Variants in VPS13B observed in about 807,000 individuals in gnomAD.
VPS13B encodes the protein intermembrane lipid transfer protein VPS13B.
A neutral mutation model predicts 426.4 loss-of-function variants in VPS13B; 285 were observed. The ratio of observed to expected loss-of-function variants is 0.67; its 90% CI spans 0.61 to 0.74. The LOEUF is 0.74. Among genes scored for constraint, VPS13B ranks in the 30% least tolerant of loss-of-function variants. The pLI, the probability that VPS13B is intolerant of heterozygous loss-of-function variation, is 0.00. For synonymous variants in VPS13B, 1,676 were observed against 1,676.4 expected (o/e 1.00, Z 0.01); for missense variants, 4,537 against 4,782.6 (o/e 0.95, Z 1.51).
intron 3 of VPS13B, among the ~76,000 whole-genome samples, chr8:99,094,455 G>A (rs190759114): frequency 2.6e-4 from 39 of 152,230 alleles, no homozygotes; most frequent in Non-Finnish European, 5.0e-4. Context: ...ATATTGAATA[G>A]TGAAGTTATT....
chr8:99,143,196 G>C (rs775614014), intron 13 of VPS13B, 31 bp downstream of exon 13: 1 of 1,612,930 alleles, frequency 6.2e-7, no homozygotes, highest in South Asian at 1.1e-5. Flanking sequence ...TGAATCTTTT[G>C]CCATTTGTTT....
chr8:99,680,380 G>C (rs901224193), intron 35 of VPS13B, among the ~76,000 whole-genome samples: 4 of 152,114 alleles, frequency 2.6e-5, no homozygotes, highest in Non-Finnish European at 5.9e-5. Context: ...TTCCCTCTCT[G>C]ATTTCATTAT....
chr8:99,875,025 T>C (rs1588818658), intron 61 of VPS13B: 1 of 278,078 alleles, frequency 3.6e-6, no homozygotes, highest in East Asian at 9.7e-5. Flanking sequence ...TTTATTTCAG[T>C]GCTGAGTTTA....
intron 35 of VPS13B, among the ~76,000 whole-genome samples, chr8:99,672,723 A>C (rs1165596880): frequency 6.6e-6 from 1 of 151,984 alleles, no homozygotes; most frequent in Non-Finnish European, 1.5e-5. Flanking sequence ...AGGGTTCTAG[A>C]TTTTAGAGAA....
rs765610228 is a variant in VPS13B at position 99,156,615 on chromosome 8, TTGG to T, written c.2084_2086del (p.Val695del). On this transcript the variant is annotated inframe_deletion, in exon 15 of 62. Transcript: ENST00000357162. ...TCGGCCTTTGCCATCCATTCGAATA[TTGG>T]TGGATAAAATTAATCTGGAACATTC... 1.2e-6 allele frequency: 2 copies of T among 1,613,990 alleles called. No homozygotes were observed.
At chr8:99,781,406 A>G (rs893924981) in intron 42 of VPS13B, among the ~76,000 whole-genome samples, 2 of 152,216 alleles carry the variant, frequency 1.3e-5, no homozygotes, top group Non-Finnish European at 2.9e-5. Flanking sequence ...ATGACACTCC[A>G]TGAAACTTAA....
At chr8:99,438,608 C>G (rs771393877) in intron 22 of VPS13B, among the ~76,000 whole-genome samples, 4 of 152,072 alleles carry the variant, frequency 2.6e-5, no homozygotes, top group Non-Finnish European at 5.9e-5. Context: ...ATTTATAACA[C>G]TTACTCTGGA....
chr8:99,751,007 C>T (rs1810367586), intron 39 of VPS13B, among the ~76,000 whole-genome samples: 1 of 152,006 alleles, frequency 6.6e-6, no homozygotes, highest in Non-Finnish European at 1.5e-5. Flanking sequence ...GGCCTAATTC[C>T]TTAGGAATGT....
rs540239353 is a variant in VPS13B, at chr8:99,222,923, G to A, written c.2515+29866G>A. On this transcript the variant is annotated intron_variant, in intron 17 of 61. Coordinates refer to ENST00000357162, the MANE Select transcript of VPS13B (RefSeq NM_152564.5). ...ATGATCTCGGCTTACAGCAACCTCC[G>A]CCTCCTGGGTTCAAGTGATTCTCCT... Among the ~76,000 whole-genome samples, 8 of 152,154 alleles carry A rather than the reference G, an allele frequency of 5.3e-5. 1 individual carries two copies. Among genetic ancestry groups the A allele is most frequent in the South Asian group, 4.2e-4 (2 of 4,802 alleles).
intron 2 of VPS13B, among the ~76,000 whole-genome samples, chr8:99,025,854 A>G (rs532426560): frequency 1.3e-5 from 2 of 152,214 alleles, no homozygotes; most frequent in African/African-American, 4.8e-5. Context: ...ATACTTGTTC[A>G]TAATGGTCAC....
chr8:99,115,630 C>T (rs117189957), intron 6 of VPS13B, 70 bp from the exon 7 acceptor site: 17,975 of 1,490,898 alleles, frequency 0.012, 165 homozygotes, highest in Non-Finnish European at 0.013. Context: ...GACTTTAAAA[C>T]ATTTCTTTAT....
intron 30 of VPS13B, among the ~76,000 whole-genome samples, chr8:99,526,829 A>G (rs1209537155): frequency 2.6e-5 from 4 of 152,150 alleles, no homozygotes; most frequent in South Asian, 4.1e-4. Context: ...TGTGTTTCCA[A>G]ATCACCCAAG....
Position 99,135,666 on chromosome 8 carries a change from T to G in VPS13B, c.1496T>G (p.Phe499Cys). ...TTCACATACCTTACAAATTCATTGT[T>G]TGATTACCGAAGCCCAGAAAATAAT... ...KGFTYLTNSL[F>C]DYRSPENNGT... Residue 499 changes from phenylalanine (F) to cysteine (C), a missense_variant, in exon 11 of 62, where the codon TTT becomes TGT. Phe to Cys is a radical substitution (Grantham distance 205, BLOSUM62 -2). This residue lies in a region of VPS13B where 4,311 missense variants were observed against 4,474.3 expected (regional missense o/e 0.96). Transcript: ENST00000357162. The G allele has an allele frequency of 1.2e-6, 2 of 1,613,516 alleles. No individual in the cohort carries two copies. The highest frequency in any genetic ancestry group is 8.5e-7 in the Non-Finnish European group (1 of 1,179,566).
chr8:99,776,395 T>C (rs969042354), intron 40 of VPS13B, among the ~76,000 whole-genome samples: 2 of 152,164 alleles, frequency 1.3e-5, no homozygotes, highest in African/African-American at 4.8e-5. Flanking sequence ...CTTGACCTGC[T>C]GTGCTTAAGC....
At chr8:99,543,228 A>G (rs1428633003) in intron 30 of VPS13B, among the ~76,000 whole-genome samples, 1 of 152,234 alleles carries the variant, frequency 6.6e-6, no homozygotes, top group Non-Finnish European at 1.5e-5. Flanking sequence ...TCCCTATTTA[A>G]TAAATGGTGC....
intron 30 of VPS13B, among the ~76,000 whole-genome samples, chr8:99,545,380 A>G (rs1823913864): frequency 6.6e-6 from 1 of 152,164 alleles, no homozygotes; most frequent in South Asian, 2.1e-4. Flanking sequence ...CTGCACTAAT[A>G]CAGTAGCCAT....
chr8:99,192,197 C>A (rs1042559772), intron 16 of VPS13B, among the ~76,000 whole-genome samples: 1 of 152,038 alleles, frequency 6.6e-6, no homozygotes, highest in Non-Finnish European at 1.5e-5. Context: ...TATTCATAGA[C>A]AAAACCAAAT....
chr8:99,466,139 A>G (rs1050973870), intron 23 of VPS13B, among the ~76,000 whole-genome samples: 9 of 152,150 alleles, frequency 5.9e-5, no homozygotes. Context: ...CTCTGATCTC[A>G]TCTCTGCCTG....
chr8:99,172,623 C>T (rs1362850173), intron 16 of VPS13B, among the ~76,000 whole-genome samples: 1 of 151,966 alleles, frequency 6.6e-6, no homozygotes, highest in South Asian at 2.1e-4. Flanking sequence ...TTTTGAAGGC[C>T]CTGTTAATCA....
Sources: gnomAD v4.1 joint callset for allele counts (sites outside exome capture counted in the v4.1 genomes callset) on GRCh38, gnomAD v4.1.1 for gene constraint, gnomAD v4.1.1 regional missense constraint, MANE v1.5 for transcripts, NCBI Gene and HGNC (gene_info 2026-07-23, HGNC 2026-07-21) for gene names.